Variants in GFM2 observed in about 807,000 individuals in gnomAD.
The protein encoded by GFM2 is GTP dependent ribosome recycling factor mitochondrial 2.
GFM2 carries 72 observed loss-of-function variants against 95.4 expected under a neutral mutation model. The observed-to-expected ratio is 0.76, with a 90% CI of 0.62 to 0.92. GFM2 has a LOEUF of 0.92. Among genes scored for constraint, GFM2 ranks in the 40% least tolerant of loss-of-function variants. The pLI is 0.00. For missense variants in GFM2, 825 were observed against 924.1 expected (o/e 0.89, Z 1.39); for synonymous variants, 276 against 317.5 (o/e 0.87, Z 1.39).
chr5:74,729,153 A>G (rs1255509435), intron 17 of GFM2, among the ~76,000 whole-genome samples: 1 of 152,186 alleles, frequency 6.6e-6, no homozygotes, highest in Non-Finnish European at 1.5e-5. Flanking sequence ...ACACTAAAGA[A>G]CTAAGTTCTT....
intron 8 of GFM2, 100 bp from the exon 9 acceptor site, chr5:74,746,265 T>C: frequency 1.7e-6 from 1 of 573,748 alleles, no homozygotes; most frequent in Non-Finnish European, 2.8e-6. Flanking sequence ...TTAAGAATGT[T>C]TTCTAAAATT....
intron 5 of GFM2, among the ~76,000 whole-genome samples, chr5:74,755,943 A>G (rs1028582819): frequency 2.0e-5 from 3 of 152,184 alleles, no homozygotes; most frequent in Admixed American, 2.0e-4. Flanking sequence ...TAATGAACAC[A>G]GAAGCAAAAA....
intron 12 of GFM2, among the ~76,000 whole-genome samples, chr5:74,739,776 T>A (rs2112268944): frequency 6.6e-6 from 1 of 152,280 alleles, no homozygotes; most frequent in South Asian, 2.1e-4. Context: ...TGAAAAGACA[T>A]ACCTCTTAGC....
chr5:74,745,031 A>C (rs1399247403), intron 10 of GFM2, among the ~76,000 whole-genome samples: 2 of 152,132 alleles, frequency 1.3e-5, no homozygotes, highest in Non-Finnish European at 2.9e-5. Flanking sequence ...TTAAGGATTT[A>C]TGGTAAACTA....
chr5:74,723,161 T>C (rs1229579379), intron 19 of GFM2, among the ~76,000 whole-genome samples: 1 of 152,222 alleles, frequency 6.6e-6, no homozygotes, highest in Non-Finnish European at 1.5e-5. Flanking sequence ...CATACCATGC[T>C]CACAGAACTG....
chr5:74,756,701 A>C (rs1440939998), intron 5 of GFM2, among the ~76,000 whole-genome samples: 1 of 152,104 alleles, frequency 6.6e-6, no homozygotes, highest in African/African-American at 2.4e-5. Context: ...ACACCATGGA[A>C]TACTACTCAG....
At chr5:74,751,343 C>G in intron 6 of GFM2, 25 bp downstream of exon 6, 1 of 1,596,784 alleles carries the variant, frequency 6.3e-7, no homozygotes, top group Non-Finnish European at 8.5e-7. Flanking sequence ...CGCAGCATCT[C>G]TGTGTTACTG....
intron 3 of GFM2, among the ~76,000 whole-genome samples, chr5:74,759,719 T>C (rs1398640307): frequency 2.0e-5 from 3 of 152,132 alleles, no homozygotes; most frequent in South Asian, 2.1e-4. Context: ...ATTTACAAAA[T>C]TGTAGAACTA....
In GFM2 at chr5:74,750,603, T is replaced by C; in HGVS notation, c.495A>G (p.Val165=). The change falls in exon 7 of 21, where the codon GTA becomes GTG. Residue 165 remains valine (V), a synonymous_variant. Coordinates refer to ENST00000296805, the MANE Select transcript of GFM2 (RefSeq NM_032380.5). The part of the protein sequence containing the change: ...CLRVLDGAVA[V]FDASAGVEAQ... ...CCTCTACACCAGCAGAGGCATCAAA[T>C]ACAGCCACTGCACCATCCAACACTC... 6.2e-7 allele frequency: 1 copy of C among 1,613,134 alleles called. No homozygotes were observed. Among genetic ancestry groups the C allele is most frequent in the Non-Finnish European group, 8.5e-7 (1 of 1,179,304 alleles).
intron 3 of GFM2, among the ~76,000 whole-genome samples, chr5:74,759,732 A>G (rs1164342493): frequency 6.6e-6 from 1 of 152,164 alleles, no homozygotes. Context: ...TAGAACTAGA[A>G]TAAATGCTCA....
chr5:74,742,323 T>C (rs1349981293), intron 10 of GFM2, among the ~76,000 whole-genome samples: 2 of 151,760 alleles, frequency 1.3e-5, no homozygotes, highest in Non-Finnish European at 2.9e-5. Context: ...ACCATCCTTC[T>C]GGAAAGCATT....
intron 14 of GFM2, among the ~76,000 whole-genome samples, chr5:74,737,682 A>T (rs1742902481): frequency 6.6e-6 from 1 of 152,218 alleles, no homozygotes; most frequent in African/African-American, 2.4e-5. Context: ...AGTCATGAAG[A>T]GTTAAAATGT....
At chr5:74,724,473 T>TA (rs113558874) in intron 19 of GFM2, among the ~76,000 whole-genome samples, 5,304 of 133,094 alleles carry the variant, frequency 0.04, 239 homozygotes, top group African/African-American at 0.12. Context: ...CCTTGTCTCT[T>TA]AAAAAAAAAA....
chr5:74,733,186 A>T (rs1742662711), intron 15 of GFM2, 88 bp from the exon 16 acceptor site: 1 of 983,204 alleles, frequency 1.0e-6, no homozygotes, highest in Non-Finnish European at 1.6e-6. Flanking sequence ...GGATAAGCAA[A>T]CAAATTTTGA....
At chr5:74,731,922 T>C (rs188303923) in intron 16 of GFM2, among the ~76,000 whole-genome samples, 2 of 151,822 alleles carry the variant, frequency 1.3e-5, no homozygotes, top group African/African-American at 4.8e-5. Flanking sequence ...CTTTTTTTTT[T>C]TTTAAACGTA....
rs746104084 is a variant in GFM2 at position 74,736,816 on chromosome 5, G to A, written c.1490C>T (p.Pro497Leu). ...TATACCTGGCTGCTTAGACAGTGAT[G>A]GGGGTTCTATGGTACAGAAGAAAAC... The part of the protein sequence containing the change: ...EPVFFCTIEP[P>L]SLSKQPDLEH... The change falls in exon 15 of 21, where the codon CCA becomes CTA. Residue 497 changes from proline (P) to leucine (L), a missense_variant. Physicochemically the swap from Pro to Leu is moderately conservative, Grantham distance 98. Coordinates refer to ENST00000296805, the MANE Select transcript of GFM2 (RefSeq NM_032380.5). The A allele has an allele frequency of 5.6e-6, 9 of 1,613,922 alleles. No individual in the cohort carries two copies. In the Admixed American group the frequency reaches 1.2e-4, roughly 21 times the overall value.
intron 7 of GFM2, among the ~76,000 whole-genome samples, chr5:74,749,565 G>C (rs1310171820): frequency 6.6e-6 from 1 of 151,948 alleles, no homozygotes; most frequent in Non-Finnish European, 1.5e-5. Context: ...GGTTATTATT[G>C]ATTTATGGTT....
intron 1 of GFM2, 119 bp from the exon 2 acceptor site, chr5:74,763,885 G>T: frequency 1.9e-6 from 1 of 530,138 alleles, no homozygotes; most frequent in Non-Finnish European, 3.3e-6. Flanking sequence ...TAAAAAGTTG[G>T]AACAATATTT....
intron 17 of GFM2, among the ~76,000 whole-genome samples, chr5:74,729,176 T>C (rs1750298105): frequency 6.6e-6 from 1 of 151,776 alleles, no homozygotes; most frequent in South Asian, 2.1e-4. Context: ...TGGTCTGGAG[T>C]TTTTCAGGGC....
Sources: gnomAD v4.1 joint callset for allele counts (sites outside exome capture counted in the v4.1 genomes callset) on GRCh38, gnomAD v4.1.1 for gene constraint, MANE v1.5 for transcripts, NCBI Gene and HGNC (gene_info 2026-07-23, HGNC 2026-07-21) for gene names.